SLC26A5: variants seen among roughly 807,000 people sequenced by gnomAD.
SLC26A5 encodes the protein solute carrier family 26 member 5, also known as prestin.
In SLC26A5, 51 loss-of-function variants were observed where a neutral mutation model predicts 81.0. That is an observed-to-expected ratio of 0.63 (90% CI 0.50 to 0.80). SLC26A5 has a LOEUF of 0.80. Among genes scored for constraint, SLC26A5 ranks in the 30% least tolerant of loss-of-function variants. SLC26A5 has a pLI of 0.00. For synonymous variants in SLC26A5, 325 were observed against 332.8 expected (o/e 0.98, Z 0.25); for missense variants, 771 against 905.8 (o/e 0.85, Z 1.91).
chr7:103,410,118 G>C (rs977730726), intron 7 of SLC26A5, among the ~76,000 whole-genome samples: 2 of 152,172 alleles, frequency 1.3e-5, no homozygotes, highest in Non-Finnish European at 2.9e-5. Context: ...TCTTTACCTA[G>C]AGTGATGGTG....
At chr7:103,402,393 CTTT>C (rs541398228) in intron 8 of SLC26A5, among the ~76,000 whole-genome samples, 3 of 124,478 alleles carry the variant, frequency 2.4e-5, no homozygotes, top group East Asian at 2.4e-4. Flanking sequence ...ACGTATTGCT[CTTT>C]TTTTTTTTTT....
intron 19 of SLC26A5, among the ~76,000 whole-genome samples, chr7:103,357,408 A>G (rs907971137): frequency 6.6e-5 from 10 of 151,384 alleles, no homozygotes; most frequent in Non-Finnish European, 1.3e-4. Flanking sequence ...AATGACACTC[A>G]TTTTCACCTT....
At chr7:103,423,817 T>C (rs141272697) in intron 2 of SLC26A5, among the ~76,000 whole-genome samples, 5 of 152,338 alleles carry the variant, frequency 3.3e-5, no homozygotes, top group African/African-American at 7.2e-5. Flanking sequence ...GCAGCTCATA[T>C]GAACTAAGAA....
chr7:103,374,671 A>C, intron 19 of SLC26A5, 79 bp from the exon 20 acceptor site: 2 of 1,262,266 alleles, frequency 1.6e-6, no homozygotes, highest in Non-Finnish European at 2.2e-6. Context: ...ACACTTCCAT[A>C]TAGTGTTTTT....
In SLC26A5 at chr7:103,367,978, T is replaced by G; in HGVS notation, c.2041+8830A>C. On this transcript the variant is annotated intron_variant, in intron 19 of 19. Coordinates refer to the SLC26A5 transcript ENST00000339444. The surrounding 1 kb of genome is among the most constrained non-coding windows in gnomAD (Gnocchi z 6.1). ...CGAAAAATTGCTACCGAGAAGGATT[T>G]CTTGGAAGCTGTAAATAAGGTCATT... The G allele has an allele frequency of 6.2e-7, 1 of 1,614,192 alleles. No individual in the cohort carries two copies. Among genetic ancestry groups the G allele is most frequent in the Non-Finnish European group, 8.5e-7 (1 of 1,180,024 alleles).
chr7:103,367,597 T>C lies in SLC26A5; in HGVS notation c.2041+9211A>G. 6.2e-7 allele frequency: 1 copy of C among 1,614,146 alleles called. No individual in the cohort carries two copies. Among genetic ancestry groups the C allele is most frequent in the Non-Finnish European group, 8.5e-7 (1 of 1,180,022 alleles). On this transcript the variant is annotated intron_variant, in intron 19 of 19. Transcript: ENST00000339444. The surrounding 1 kb of genome is among the most constrained non-coding windows in gnomAD (Gnocchi z 6.1). ...GGAGATTGGATAGAAAAATTGAATT[T>C]AGCTTGCCCGATCTAGAGGTAAGAA... is the stretch of plus-strand genomic sequence containing the variant.
intron 19 of SLC26A5, chr7:103,353,976 C>T (rs1254318600): frequency 6.4e-7 from 1 of 1,555,044 alleles, no homozygotes; most frequent in East Asian, 2.3e-5. Context: ...CTTTCAGTGT[C>T]TACAAACTAT....
At chr7:103,408,141 C>T (rs966313164) in intron 7 of SLC26A5, 138 bp from the exon 8 acceptor site, 1 of 1,136,370 alleles carries the variant, frequency 8.8e-7, no homozygotes, top group Non-Finnish European at 1.3e-6. Flanking sequence ...TGAAATCTCT[C>T]TTTGTAGCTT....
intron 4 of SLC26A5, among the ~76,000 whole-genome samples, chr7:103,419,052 A>AT (rs1272724481): frequency 6.6e-6 from 1 of 151,964 alleles, no homozygotes; most frequent in African/African-American, 2.4e-5. Context: ...AGATCTGATG[A>AT]TTTTACGAGG....
intron 8 of SLC26A5, among the ~76,000 whole-genome samples, chr7:103,399,254 G>A (rs558962197): frequency 1.1e-4 from 17 of 152,250 alleles, no homozygotes; most frequent in Non-Finnish European, 2.1e-4. Context: ...AAGCAGGAGA[G>A]GCAAGCTGGT....
chr7:103,426,144 C>A (rs1252562443), intron 2 of SLC26A5, among the ~76,000 whole-genome samples: 1 of 152,154 alleles, frequency 6.6e-6, no homozygotes, highest in Non-Finnish European at 1.5e-5. Context: ...GTTTCTCAAG[C>A]AAAGTCTTGT....
At chr7:103,380,678 C>A in intron 14 of SLC26A5, 129 bp from the exon 15 acceptor site, 1 of 801,826 alleles carries the variant, frequency 1.2e-6, no homozygotes, top group Non-Finnish European at 2.1e-6. Context: ...TTACATGGTG[C>A]CTTTGCAGAA....
downstream of SLC26A5, among the ~76,000 whole-genome samples, chr7:103,371,616 G>A (rs539065424): frequency 4.0e-4 from 60 of 149,652 alleles, no homozygotes; most frequent in Middle Eastern, 3.7e-3. Context: ...GAGCCACTGC[G>A]CCTGGCCTGT....
intron 2 of SLC26A5, among the ~76,000 whole-genome samples, chr7:103,433,217 C>G (rs1233213955): frequency 6.6e-6 from 1 of 152,160 alleles, no homozygotes; most frequent in Non-Finnish European, 1.5e-5. Context: ...ATTCAACACT[C>G]TAGGGTCTAT....
rs189030767 is a variant in SLC26A5, at chr7:103,444,278, C to T, written c.-182-1067G>A. Among the ~76,000 whole-genome samples, 588 of 152,252 alleles carry T rather than the reference C, an allele frequency of 3.9e-3. 16 individuals carry two copies. The highest frequency in any genetic ancestry group is 0.038 in the Admixed American group (575 of 15,288). ...AAAATCATCATCTTATTTTTCTTAA[C>T]TTTATTAACTTAATGATAATGAGAA... On this transcript the variant is annotated intron_variant, in intron 1 of 19. Coordinates refer to ENST00000306312, the MANE Select transcript of SLC26A5 (RefSeq NM_198999.3).
At chr7:103,409,509 G>GA (rs1461392502) in intron 7 of SLC26A5, among the ~76,000 whole-genome samples, 1 of 152,050 alleles carries the variant, frequency 6.6e-6, no homozygotes, top group Non-Finnish European at 1.5e-5. Context: ...TGCACTGTGT[G>GA]AAAAAACATT....
In SLC26A5 at chr7:103,377,816, A is replaced by G. The variant is rs764450246; in HGVS notation, c.1786-17T>C. On this transcript the variant is annotated splice_polypyrimidine_tract_variant and intron_variant, in intron 17 of 19. Transcript: ENST00000306312. ...TTCTGCATCCTGTGTCAAAAATTAA[A>G]CCAAACCAGAATTTTATGAACAACT... 5 of 1,611,708 alleles carry G rather than the reference A, an allele frequency of 3.1e-6. No homozygotes were observed. The African/African-American group carries it at 4.0e-5, about 13-fold the overall frequency.
chr7:103,383,110 A>G (rs1821924515), intron 14 of SLC26A5, among the ~76,000 whole-genome samples: 1 of 152,198 alleles, frequency 6.6e-6, no homozygotes, highest in Non-Finnish European at 1.5e-5. Context: ...CTCACAATCT[A>G]GTGATATCTG....
chr7:103,402,535 G>C (rs1463540806), intron 8 of SLC26A5, among the ~76,000 whole-genome samples: 1 of 151,860 alleles, frequency 6.6e-6, no homozygotes, highest in Non-Finnish European at 1.5e-5. Context: ...AAGTAGCTGG[G>C]ACTACAGGCA....
Sources: gnomAD v4.1 joint callset for allele counts (sites outside exome capture counted in the v4.1 genomes callset) on GRCh38, gnomAD v4.1.1 for gene constraint, Gnocchi (gnomAD v3.1) non-coding constraint, MANE v1.5 for transcripts, NCBI Gene and HGNC (gene_info 2026-07-23, HGNC 2026-07-21) for gene names.